The following DAB2IP variants were observed in gnomAD, a reference collection of about 807,000 sequenced individuals.
DAB2IP encodes disabled homolog 2-interacting protein.
DAB2IP carries 28 observed loss-of-function variants against 107.2 expected under a neutral mutation model. That is an observed-to-expected ratio of 0.26 (90% CI 0.19 to 0.36). DAB2IP has a LOEUF of 0.36. DAB2IP is among the 10% of genes least tolerant of loss of function. The probability of loss-of-function intolerance (pLI) is 1.00; values close to 1 mark genes in which losing one functional copy is unlikely to be tolerated. For synonymous variants in DAB2IP, 755 were observed against 706.4 expected, an observed-to-expected ratio of 1.07 and a Z score of -1.09; for missense variants, 1,400 against 1,644.7, an observed-to-expected ratio of 0.85 and a Z score of 2.57.
rs774878380 is a variant in DAB2IP, at chr9:121,699,336, C to T, written c.240C>T (p.Ser80=). 16 of 1,464,146 alleles carry T rather than the reference C, an allele frequency of 1.1e-5. No individual in the cohort carries two copies. The highest frequency in any genetic ancestry group is 2.1e-5 in the Admixed American group (1 of 48,332). 90.7% of individuals were successfully genotyped at this position (1,464,146 alleles called of 1,614,324 possible). Reference sequence around the variant, plus strand: ...CCCCCCGTGCGCAGGGCTTCCTCAGCCGCCGCCTCAAGGGCTCCATCAAGC... The same window carrying T: ...CCCCCCGTGCGCAGGGCTTCCTCAGTCGCCGCCTCAAGGGCTCCATCAAGC... Residue 80 remains serine, a synonymous_variant, in exon 3 of 16, where the codon AGC becomes AGT. Coordinates refer to ENST00000408936, the Ensembl canonical transcript of DAB2IP. This position sits in a 1 kb window ranked among gnomAD's most constrained non-coding sequence, Gnocchi z 6.2.
chr9:121,750,325 G>A (rs1175862297), intron 3 of DAB2IP, among the ~76,000 whole-genome samples: 2 of 151,860 alleles, frequency 1.3e-5, no homozygotes, highest in South Asian at 2.1e-4. Context: ...TTGTGTGCGC[G>A]CGCGCGTGTG....
chr9:121,582,790 C>T (rs905963433), intron 1 of DAB2IP, among the ~76,000 whole-genome samples: 4 of 152,378 alleles, frequency 2.6e-5, no homozygotes, highest in Middle Eastern at 3.4e-3. Flanking sequence ...TTCCCACCCC[C>T]GAAACGGGAC....
intron 1 of DAB2IP, among the ~76,000 whole-genome samples, chr9:121,627,162 CACACACAA>C: frequency 2.0e-5 from 3 of 151,590 alleles, no homozygotes. Flanking sequence ...CACACACACA[CACACACAA>C]GCATATGTAA....
chr9:121,706,198 C>A (rs549020564), intron 3 of DAB2IP, among the ~76,000 whole-genome samples: 3 of 152,310 alleles, frequency 2.0e-5, no homozygotes, highest in African/African-American at 7.2e-5. Flanking sequence ...GCAGCATCTG[C>A]CTGGGGATGG....
chr9:121,653,726 T>G (rs10818582), intron 1 of DAB2IP, among the ~76,000 whole-genome samples: 84,055 of 151,570 alleles, frequency 0.55, 23,583 homozygotes, highest in South Asian at 0.64. Context: ...AATGGGAGTC[T>G]CGCTCCTGTT....
intron 2 of DAB2IP, among the ~76,000 whole-genome samples, chr9:121,687,652 A>C (rs1589517658): frequency 6.6e-6 from 1 of 152,012 alleles, no homozygotes; most frequent in Non-Finnish European, 1.5e-5. Flanking sequence ...TCTGCATAGT[A>C]CTCTGAGTCA....
intron 1 of DAB2IP, among the ~76,000 whole-genome samples, chr9:121,652,183 T>C (rs1417187895): frequency 6.6e-6 from 1 of 152,120 alleles, no homozygotes; most frequent in Non-Finnish European, 1.5e-5. Flanking sequence ...TACCCCACTG[T>C]GCCTCAGTTT....
chr9:121,648,465 C>T (rs536145986), upstream of DAB2IP, among the ~76,000 whole-genome samples: 10 of 151,702 alleles, frequency 6.6e-5, no homozygotes, highest in East Asian at 1.2e-3. Context: ...GGGAGGTGGT[C>T]GCTTTTTGAC....
intron 3 of DAB2IP, among the ~76,000 whole-genome samples, chr9:121,707,095 T>C (rs532288177): frequency 1.3e-5 from 2 of 152,330 alleles, no homozygotes; most frequent in East Asian, 3.9e-4. Context: ...TGCAGACCCC[T>C]AGGGTTATCC....
intron 3 of DAB2IP, among the ~76,000 whole-genome samples, chr9:121,729,298 C>T (rs1831393102): frequency 6.6e-6 from 1 of 152,218 alleles, no homozygotes; most frequent in African/African-American, 2.4e-5. Flanking sequence ...CATGTGTTCT[C>T]ACCCTTTATC....
intron 1 of DAB2IP, among the ~76,000 whole-genome samples, chr9:121,579,077 G>A (rs944939131): frequency 6.6e-6 from 1 of 152,094 alleles, no homozygotes; most frequent in Non-Finnish European, 1.5e-5. Flanking sequence ...AGGGTCCCTG[G>A]AGCCCCGCAC....
chr9:121,589,951 T>C (rs1263145029), intron 1 of DAB2IP, among the ~76,000 whole-genome samples: 1 of 57,940 alleles, frequency 1.7e-5, no homozygotes, highest in East Asian at 3.3e-4. Flanking sequence ...TTCCCTTCCC[T>C]TCCCTTCCCT....
At chr9:121,729,618 G>A (rs968594319) in intron 3 of DAB2IP, among the ~76,000 whole-genome samples, 2 of 152,194 alleles carry the variant, frequency 1.3e-5, no homozygotes, top group African/African-American at 4.8e-5. Context: ...AAACAGGTGG[G>A]AGGACTCTAG....
At chr9:121,703,190 A>G (rs1829873298) in intron 3 of DAB2IP, among the ~76,000 whole-genome samples, 1 of 152,224 alleles carries the variant, frequency 6.6e-6, no homozygotes, top group Non-Finnish European at 1.5e-5. Context: ...CTGGGTAGGC[A>G]GGAATCAATT....
chr9:121,698,341 C>T lies in DAB2IP; in HGVS notation c.229-984C>T, dbSNP rs1410744572. On this transcript the variant is annotated intron_variant, in intron 2 of 15. Transcript: ENST00000408936. This position sits in a 1 kb window ranked among gnomAD's most constrained non-coding sequence, Gnocchi z 4.1. ...GTCCCCTGGGGCCCCCACATCTATC[C>T]CGTCACCTGTAAAGGGAAGATTGGT... Among the ~76,000 whole-genome samples, 1 of 152,140 alleles carries T rather than the reference C, an allele frequency of 6.6e-6. No homozygotes were observed. The highest frequency in any genetic ancestry group is 1.5e-5 in the Non-Finnish European group (1 of 68,020).
At chr9:121,672,956 G>A (rs572124170) in intron 1 of DAB2IP, among the ~76,000 whole-genome samples, 3 of 152,328 alleles carry the variant, frequency 2.0e-5, no homozygotes, top group East Asian at 3.9e-4. Flanking sequence ...AAGGCCAAAG[G>A]CAGCATGCTG....
At chr9:121,739,712 G>A (rs557034581) in intron 3 of DAB2IP, among the ~76,000 whole-genome samples, 12 of 152,316 alleles carry the variant, frequency 7.9e-5, no homozygotes, top group African/African-American at 2.6e-4. Context: ...TCCCAGAGGC[G>A]CTGTCAGGCA....
Position 121,772,079 on chromosome 9 carries a change from A to G in DAB2IP, c.2079-528A>G, listed in dbSNP as rs1344578173. On this transcript the variant is annotated intron_variant, in intron 11 of 15. Coordinates refer to ENST00000408936, the Ensembl canonical transcript of DAB2IP. This position sits in a 1 kb window ranked among gnomAD's most constrained non-coding sequence, Gnocchi z 4.7. ...ATTCCTTGTTTTTGCCAGGAACTCC[A>G]GCCCCCGCCTGCCAGTCAAACAAGG... Among the ~76,000 whole-genome samples the G allele has an allele frequency of 1.3e-5, 2 of 152,178 alleles. No individual in the cohort carries two copies. The highest frequency in any genetic ancestry group is 2.9e-5 in the Non-Finnish European group (2 of 68,028).
intron 1 of DAB2IP, among the ~76,000 whole-genome samples, chr9:121,629,874 G>A (rs1297688261): frequency 2.6e-5 from 4 of 152,250 alleles, no homozygotes; most frequent in Admixed American, 6.5e-5. Flanking sequence ...TCAAACCCCC[G>A]CCTCTCAGCC....
Sources: allele counts gnomAD v4.1 joint callset (sites outside exome capture counted in the v4.1 genomes callset), GRCh38; gene constraint gnomAD v4.1.1; non-coding constraint Gnocchi (gnomAD v3.1); transcripts MANE v1.5; gene names NCBI Gene and HGNC (gene_info 2026-07-23, HGNC 2026-07-21).